Variants in MIS18BP1 observed in about 807,000 individuals in gnomAD.
MIS18BP1 encodes MIS18 binding protein 1.
In MIS18BP1, 72 loss-of-function variants were observed where a neutral mutation model predicts 116.1. The observed-to-expected ratio is 0.62, with a 90% CI of 0.51 to 0.75. The LOEUF (loss-of-function observed/expected upper bound fraction) is 0.75, where lower values mean the gene tolerates loss of function less well. Among genes scored for constraint, MIS18BP1 ranks in the 30% least tolerant of loss-of-function variants. The probability of loss-of-function intolerance (pLI) is 0.00; values close to 1 mark genes in which losing one functional copy is unlikely to be tolerated. For synonymous variants in MIS18BP1, 386 were observed against 427.0 expected, an observed-to-expected ratio of 0.90 and a Z score of 1.18; for missense variants, 1,363 against 1,303.2, an observed-to-expected ratio of 1.05 and a Z score of -0.71.
intron 13 of MIS18BP1, among the ~76,000 whole-genome samples, chr14:45,215,317 T>C (rs1890785668): frequency 6.6e-6 from 1 of 152,208 alleles, no homozygotes; most frequent in Admixed American, 6.5e-5. Flanking sequence ...AAGAAATTGG[T>C]AGATGAAAAA....
chr14:45,217,114 T>C lies in MIS18BP1; in HGVS notation c.2908A>G (p.Arg970Gly), dbSNP rs141848005. 14 of 1,614,162 alleles carry C rather than the reference T, an allele frequency of 8.7e-6. No individual in the cohort carries two copies. The African/African-American group carries it at 1.7e-4, about 20-fold the overall frequency. Residue 970 changes from arginine to glycine, a missense_variant, in exon 13 of 17, where the codon AGG (arginine) becomes GGG (glycine). Physicochemically the swap from Arg to Gly is moderately radical, Grantham distance 125. Coordinates refer to ENST00000310806, the MANE Select transcript of MIS18BP1 (RefSeq NM_018353.5). Reference sequence around the variant, plus strand: ...AGAAATTCCCTCATCTGTTGCTTCCTTTTAAGAGTTCCCACTTTGGCAGTT... The same window carrying C: ...AGAAATTCCCTCATCTGTTGCTTCCCTTTAAGAGTTCCCACTTTGGCAGTT... Reference protein sequence around the residue: ...KITAKVGTLKRKQQMREFLEQ... With the variant: ...KITAKVGTLKGKQQMREFLEQ...
rs560033946 is a variant in MIS18BP1 at position 45,205,944 on chromosome 14, A to AT, written c.3240+138dup. 97 of 572,680 alleles carry AT rather than the reference A, an allele frequency of 1.7e-4. 1 individual carries two copies. The South Asian group carries it at 2.3e-3, about 14-fold the overall frequency. 35.5% of individuals were successfully genotyped at this position (572,680 alleles called of 1,614,324 possible). A position where few individuals can be genotyped will look rare whatever the true frequency, so the allele number is the denominator to read the frequency against. ...CCTACAGTACTTATGTGCTTACCTCATTCATGGCTTCATTATTGTAACTTG... is the reference window on the plus strand; with the variant it reads ...CCTACAGTACTTATGTGCTTACCTCATTTCATGGCTTCATTATTGTAACTTG... On this transcript the variant is annotated intron_variant, in intron 15 of 16. Transcript: ENST00000310806.
intron 9 of MIS18BP1, among the ~76,000 whole-genome samples, chr14:45,227,402 G>A (rs1891150475): frequency 6.6e-6 from 1 of 151,996 alleles, no homozygotes; most frequent in Admixed American, 6.6e-5. Context: ...AGCTACTCGG[G>A]AAGCTGAGGC....
intron 14 of MIS18BP1, chr14:45,210,126 G>A: frequency 7.6e-6 from 2 of 263,304 alleles, no homozygotes; most frequent in Non-Finnish European, 7.0e-6. Flanking sequence ...TTTTTTTAAA[G>A]TTTTTTACAA....
Position 45,206,840 on chromosome 14 carries a change from C to A in MIS18BP1, c.3153-670G>T, listed in dbSNP as rs924096995. Reference sequence around the variant, plus strand: ...TCTCCTTGGACTCCCTTTTGCTATACCATTATCTCTCCTGTTCACTTCCTT... The same window carrying A: ...TCTCCTTGGACTCCCTTTTGCTATAACATTATCTCTCCTGTTCACTTCCTT... On this transcript the variant is annotated intron_variant, in intron 14 of 16. Transcript: ENST00000310806. Among the ~76,000 whole-genome samples, 115 of 152,096 alleles carry A rather than the reference C, an allele frequency of 7.6e-4. 2 individuals carry two copies. Among genetic ancestry groups the A allele is most frequent in the South Asian group, 2.1e-4 (1 of 4,828 alleles).
intron 2 of MIS18BP1, among the ~76,000 whole-genome samples, chr14:45,243,673 C>T (rs1434613306): frequency 1.3e-5 from 2 of 151,942 alleles, no homozygotes; most frequent in Non-Finnish European, 2.9e-5. Context: ...ATAAAGATTT[C>T]ATTATAACAA....
chr14:45,231,062 C>A, intron 8 of MIS18BP1, 79 bp downstream of exon 8: 2 of 1,444,368 alleles, frequency 1.4e-6, no homozygotes, highest in South Asian at 2.6e-5. Context: ...TACTACTATA[C>A]ACATTATAAA....
chr14:45,221,199 GA>G (rs1890963271), intron 11 of MIS18BP1, among the ~76,000 whole-genome samples: 1 of 152,082 alleles, frequency 6.6e-6, no homozygotes, highest in Non-Finnish European at 1.5e-5. Context: ...AGCACTTTGG[GA>G]GGCCAAGGCG....
Position 45,247,032 on chromosome 14 carries a change from GGTA to G in MIS18BP1, c.252_254del (p.Thr85del). 6.2e-7 allele frequency: 1 copy of G among 1,613,442 alleles called. No homozygotes were observed. The highest frequency in any genetic ancestry group is 8.5e-7 in the Non-Finnish European group (1 of 1,179,900). On this transcript the variant is annotated inframe_deletion, in exon 2 of 17. Transcript: ENST00000310806. ...CACTGATATCAAGAGAACTGTTAGAGGTAGTAGCCTCTGTTAGCATAGTTGATT... is the reference window on the plus strand; with the variant it reads ...CACTGATATCAAGAGAACTGTTAGAGGTAGCCTCTGTTAGCATAGTTGATT...
chr14:45,245,373 T>G (rs574329481), intron 2 of MIS18BP1, among the ~76,000 whole-genome samples: 1 of 151,116 alleles, frequency 6.6e-6, no homozygotes, highest in East Asian at 1.9e-4. Context: ...TTTTATTTCT[T>G]TTTTTTTTGA....
chr14:45,224,876 T>G (rs1891084667), intron 10 of MIS18BP1, 130 bp from the exon 11 acceptor site: 1 of 678,014 alleles, frequency 1.5e-6, no homozygotes, highest in African/African-American at 1.8e-5. Flanking sequence ...TATACCCACC[T>G]GTCATATTAA....
intron 13 of MIS18BP1, among the ~76,000 whole-genome samples, chr14:45,216,054 T>C (rs994396241): frequency 4.6e-5 from 7 of 152,226 alleles, no homozygotes; most frequent in African/African-American, 1.7e-4. Context: ...CTAGAAAGTC[T>C]TAAATGTGCA....
At chr14:45,227,861 G>A (rs779627359) in intron 8 of MIS18BP1, 47 bp from the exon 9 acceptor site, 2 of 1,575,914 alleles carry the variant, frequency 1.3e-6, no homozygotes, top group South Asian at 2.3e-5. Flanking sequence ...ATATAAAAGA[G>A]AAGCTGCTTT....
intron 8 of MIS18BP1, among the ~76,000 whole-genome samples, chr14:45,230,615 AATT>A (rs1250416777): frequency 3.9e-5 from 6 of 152,112 alleles, no homozygotes; most frequent in Non-Finnish European, 7.4e-5. Flanking sequence ...ATAAAAAGGT[AATT>A]ATTATTATTA....
intron 9 of MIS18BP1, 32 bp downstream of exon 9, chr14:45,227,631 C>T: frequency 1.3e-6 from 2 of 1,569,302 alleles, no homozygotes; most frequent in East Asian, 4.6e-5. Flanking sequence ...TAAATATCAA[C>T]TTGAACTATA....
chr14:45,251,101 T>C (rs927466635), intron 1 of MIS18BP1, among the ~76,000 whole-genome samples: 12 of 151,272 alleles, frequency 7.9e-5, no homozygotes, highest in Admixed American at 2.0e-4. Context: ...CACTGCATAA[T>C]GACATCAAAC....
intron 2 of MIS18BP1, among the ~76,000 whole-genome samples, chr14:45,245,207 G>C (rs1268119959): frequency 6.6e-6 from 1 of 152,014 alleles, no homozygotes; most frequent in East Asian, 1.9e-4. Context: ...TTGCTAAAAC[G>C]AGCAGTAGAA....
chr14:45,242,406 T>C lies in MIS18BP1; in HGVS notation c.771A>G (p.Ile257Met), dbSNP rs1230009662. Residue 257 changes from isoleucine (I) to methionine (M), a missense_variant, in exon 4 of 17, where the codon ATA becomes ATG. Coordinates refer to ENST00000310806, the MANE Select transcript of MIS18BP1 (RefSeq NM_018353.5). ...CCTTTTTGGATTTAGTGGTTGCAAC[T>C]ATACTCTCCTTTGAGTGAAAAATTT... The part of the protein sequence containing the change: ...AKQIFHSKES[I>M]VATTKSKKDT... The C allele has an allele frequency of 6.2e-7, 1 of 1,614,072 alleles. No homozygotes were observed. The highest frequency in any genetic ancestry group is 8.5e-7 in the Non-Finnish European group (1 of 1,179,978).
At chr14:45,207,295 T>C (rs554091568) in intron 14 of MIS18BP1, among the ~76,000 whole-genome samples, 22 of 152,316 alleles carry the variant, frequency 1.4e-4, no homozygotes, top group African/African-American at 5.3e-4. Flanking sequence ...CATGAAGAAA[T>C]GTGACTCTAT....
Sources: gnomAD v4.1 joint callset for allele counts (sites outside exome capture counted in the v4.1 genomes callset) on GRCh38, gnomAD v4.1.1 for gene constraint, MANE v1.5 for transcripts, NCBI Gene and HGNC (gene_info 2026-07-23, HGNC 2026-07-21) for gene names.